PBX3: variants seen among roughly 807,000 people sequenced by gnomAD.
PBX3 encodes the protein PBX homeobox 3, also known as pre-B-cell leukemia transcription factor 3.
A neutral mutation model predicts 48.5 loss-of-function variants in PBX3; 14 were observed. The observed-to-expected ratio is 0.29, with a 90% confidence interval of 0.19 to 0.45. The LOEUF is 0.45. Among genes scored for constraint, PBX3 ranks in the 20% least tolerant of loss-of-function variants. The pLI is 1.00. For synonymous variants in PBX3, 210 were observed against 200.3 expected (o/e 1.05, Z -0.41); for missense variants, 386 against 546.7 (o/e 0.71, Z 2.93).
At chr9:125,949,158 CT>C (rs1842133636) in intron 5 of PBX3, among the ~76,000 whole-genome samples, 2 of 152,212 alleles carry the variant, frequency 1.3e-5, no homozygotes, top group African/African-American at 4.8e-5. Context: ...CACTCAGACT[CT>C]GCTCCAGCAC....
chr9:125,913,027 A>G (rs1588289099), intron 2 of PBX3, among the ~76,000 whole-genome samples: 1 of 152,128 alleles, frequency 6.6e-6, no homozygotes, highest in East Asian at 1.9e-4. Context: ...AATTGAAAGT[A>G]ATTTTGGAAA....
At chr9:125,962,804 T>C (rs1842457448) in intron 7 of PBX3, among the ~76,000 whole-genome samples, 2 of 152,218 alleles carry the variant, frequency 1.3e-5, no homozygotes, top group Admixed American at 6.5e-5. Flanking sequence ...GAAGATGTTA[T>C]TGTTTGGCTG....
At chr9:125,909,600 GAGA>G (rs1306705047) in intron 2 of PBX3, among the ~76,000 whole-genome samples, 3 of 152,112 alleles carry the variant, frequency 2.0e-5, no homozygotes, top group Non-Finnish European at 4.4e-5. Context: ...GTGTAGCAGG[GAGA>G]AGAAGTGATC....
chr9:125,931,468 T>G (rs984586093), intron 4 of PBX3, among the ~76,000 whole-genome samples: 5 of 152,080 alleles, frequency 3.3e-5, no homozygotes. Flanking sequence ...CGGATAATTT[T>G]TGTATTTTTT....
At chr9:125,907,211 A>G (rs2132441118) in intron 2 of PBX3, among the ~76,000 whole-genome samples, 1 of 152,168 alleles carries the variant, frequency 6.6e-6, no homozygotes, top group African/African-American at 2.4e-5. Context: ...ATAAAACTAT[A>G]TACCATTAAA....
rs1272987780 is a variant in PBX3 at position 125,759,084 on chromosome 9, A to G, written c.274+10461A>G. Among the ~76,000 whole-genome samples, 1 of 152,184 alleles carries G rather than the reference A, an allele frequency of 6.6e-6. No individual in the cohort carries two copies. Among genetic ancestry groups the G allele is most frequent in the Non-Finnish European group, 1.5e-5 (1 of 68,030 alleles). On this transcript the variant is annotated intron_variant, in intron 2 of 8. Transcript: ENST00000373489. The surrounding 1 kb of genome is among the most constrained non-coding windows in gnomAD (Gnocchi z 4.2). ...AACTTAGGCAGAGAAAGTAGTGGAAATGGTTGATTCAAAGATGGCAAAACC... is the reference window on the plus strand; with the variant it reads ...AACTTAGGCAGAGAAAGTAGTGGAAGTGGTTGATTCAAAGATGGCAAAACC...
intron 2 of PBX3, among the ~76,000 whole-genome samples, chr9:125,893,347 A>G (rs926338694): frequency 2.6e-5 from 4 of 152,222 alleles, no homozygotes; most frequent in African/African-American, 9.6e-5. Flanking sequence ...ACTCTTTTGC[A>G]CTTAGAGACA....
At position 125,941,791 on chromosome 9, in the gene PBX3, T is replaced by C. The variant is rs543485472; in HGVS notation, c.843+6184T>C. On this transcript the variant is annotated intron_variant, in intron 5 of 8. Coordinates refer to ENST00000373489, the MANE Select transcript of PBX3 (RefSeq NM_006195.6). ...ATACTCTTAATTAGTAGAGCAGATA[T>C]TAATTTACTTTTTGGAATAGAGCTA... Among the ~76,000 whole-genome samples, 17 of 152,330 alleles carry C rather than the reference T, an allele frequency of 1.1e-4. No homozygotes were observed. The South Asian group carries it at 3.3e-3, about 30-fold the overall frequency.
intron 2 of PBX3, among the ~76,000 whole-genome samples, chr9:125,795,476 A>C (rs999838768): frequency 3.3e-5 from 5 of 152,196 alleles, no homozygotes; most frequent in African/African-American, 1.2e-4. Context: ...AGAGTTAACC[A>C]TTAAATAACT....
At chr9:125,812,612 C>T (rs892414898) in intron 2 of PBX3, among the ~76,000 whole-genome samples, 10 of 152,224 alleles carry the variant, frequency 6.6e-5, no homozygotes, top group East Asian at 5.8e-4. Flanking sequence ...TACGCTTTTG[C>T]GTGGGTTACG....
At chr9:125,867,806 A>T (rs1005189004) in intron 2 of PBX3, among the ~76,000 whole-genome samples, 1 of 151,848 alleles carries the variant, frequency 6.6e-6, no homozygotes, top group African/African-American at 2.4e-5. Flanking sequence ...ATATATATAC[A>T]CATATATATA....
At chr9:125,754,871 C>A (rs1836470548) in intron 2 of PBX3, among the ~76,000 whole-genome samples, 1 of 151,936 alleles carries the variant, frequency 6.6e-6, no homozygotes. Context: ...AGTATGAAAG[C>A]AATTAAAAAT....
At chr9:125,770,614 T>C (rs1836916626) in intron 2 of PBX3, among the ~76,000 whole-genome samples, 2 of 152,172 alleles carry the variant, frequency 1.3e-5, no homozygotes, top group Admixed American at 6.5e-5. Context: ...TGGAAGGGAC[T>C]GGATGAATCC....
At chr9:125,803,458 C>T (rs949412086) in intron 2 of PBX3, among the ~76,000 whole-genome samples, 3 of 152,066 alleles carry the variant, frequency 2.0e-5, no homozygotes, top group African/African-American at 7.2e-5. Context: ...AAAGTATGAA[C>T]ATGAACTACA....
At chr9:125,941,460 A>AG (rs1462117416) in intron 5 of PBX3, among the ~76,000 whole-genome samples, 1 of 152,210 alleles carries the variant, frequency 6.6e-6, no homozygotes, top group Non-Finnish European at 1.5e-5. Flanking sequence ...CTGGGAGGCA[A>AG]GGGAAAGCAG....
At chr9:125,862,636 T>C (rs760379540) in intron 2 of PBX3, among the ~76,000 whole-genome samples, 25 of 152,050 alleles carry the variant, frequency 1.6e-4, no homozygotes, top group Admixed American at 3.3e-4. Context: ...CAGCCCGCCT[T>C]GGACTCCCAA....
At chr9:125,861,209 C>T (rs1045409602) in intron 2 of PBX3, among the ~76,000 whole-genome samples, 2 of 151,786 alleles carry the variant, frequency 1.3e-5, no homozygotes, top group East Asian at 1.9e-4. Context: ...GTGGGAGAAT[C>T]ACTTGACCCC....
chr9:125,767,697 A>G (rs1331977673), intron 2 of PBX3, among the ~76,000 whole-genome samples: 1 of 152,204 alleles, frequency 6.6e-6, no homozygotes, highest in Non-Finnish European at 1.5e-5. Context: ...TGGGTTAACA[A>G]TAGCTTTGTA....
At chr9:125,765,154 T>G (rs1490404512) in intron 2 of PBX3, among the ~76,000 whole-genome samples, 1 of 142,270 alleles carries the variant, frequency 7.0e-6, no homozygotes, top group Non-Finnish European at 1.5e-5. Context: ...AAGAAATTGG[T>G]TTTTTTTTTT....
Sources: allele counts gnomAD v4.1 joint callset (sites outside exome capture counted in the v4.1 genomes callset), GRCh38; gene constraint gnomAD v4.1.1; non-coding constraint Gnocchi (gnomAD v3.1); transcripts MANE v1.5; gene names NCBI Gene and HGNC (gene_info 2026-07-23, HGNC 2026-07-21).